The following CBLN2 variants were observed in gnomAD, a reference collection of about 807,000 sequenced individuals.
CBLN2 encodes the protein cerebellin-2.
A neutral mutation model predicts 15.0 loss-of-function variants in CBLN2; 7 were observed. The observed-to-expected ratio is 0.47, with a 90% CI of 0.27 to 0.88. The LOEUF (loss-of-function observed/expected upper bound fraction) is 0.88, where lower values mean the gene tolerates loss of function less well. CBLN2 is among the 40% of genes least tolerant of loss of function. CBLN2 has a pLI of 0.14. For synonymous variants in CBLN2, 149 were observed against 135.2 expected (o/e 1.10, Z -0.71); for missense variants, 242 against 304.5 (o/e 0.79, Z 1.53).
chr18:72,618,892 T>C, intron 1 of CBLN2: 4 of 728,334 alleles, frequency 5.5e-6, no homozygotes, highest in Non-Finnish European at 1.0e-5. Flanking sequence ...TGGAGGTGGC[T>C]TTGGTGGGAA....
At chr18:72,556,029 C>T (rs368241654) in intron 1 of CBLN2, among the ~76,000 whole-genome samples, 1 of 152,124 alleles carries the variant, frequency 6.6e-6, no homozygotes, top group Admixed American at 6.5e-5. Context: ...TTTGGGATGG[C>T]AGGTGCTCCA....
intron 1 of CBLN2, among the ~76,000 whole-genome samples, chr18:72,562,509 C>T (rs1040799513): frequency 2.0e-5 from 3 of 152,132 alleles, no homozygotes; most frequent in African/African-American, 4.8e-5. Flanking sequence ...TATCATTTGT[C>T]GTACTAAAGT....
chr18:72,539,104 A>G (rs1796177496), intron 3 of CBLN2: 1 of 238,060 alleles, frequency 4.2e-6, no homozygotes, highest in East Asian at 8.8e-5. Flanking sequence ...AGCTTGTTAA[A>G]CAAATCCTAA....
At chr18:72,601,510 C>A (rs1215835784) in intron 1 of CBLN2, among the ~76,000 whole-genome samples, 1 of 152,144 alleles carries the variant, frequency 6.6e-6, no homozygotes, top group Non-Finnish European at 1.5e-5. Flanking sequence ...AGAAGGTTTC[C>A]CACGTAAATA....
At chr18:72,613,393 C>G (rs2069636425) in intron 1 of CBLN2, among the ~76,000 whole-genome samples, 1 of 152,176 alleles carries the variant, frequency 6.6e-6, no homozygotes, top group Non-Finnish European at 1.5e-5. Context: ...CTTACTCTGT[C>G]TCAAGAGTGC....
intron 1 of CBLN2, among the ~76,000 whole-genome samples, chr18:72,575,006 T>G (rs1056763903): frequency 6.6e-6 from 1 of 151,478 alleles, no homozygotes; most frequent in Admixed American, 6.6e-5. Flanking sequence ...GAGTTGAGAG[T>G]GTTTGGGTGG....
rs140604239 is a variant in CBLN2, at chr18:72,543,513, G to A, written c.-194C>T. On this transcript the variant is annotated 5_prime_UTR_variant, in exon 2 of 5. Coordinates refer to ENST00000269503, the MANE Select transcript of CBLN2 (RefSeq NM_182511.4). This position sits in a 1 kb window ranked among gnomAD's most constrained non-coding sequence, Gnocchi z 6.8. ...GGAACATCCATGCTGGGCGAGCTCC[G>A]CTGTCCGCGAAGTTGCTCTGCTTAG... 0.016 allele frequency: 6,293 copies of A among 398,470 alleles called. 57 individuals are homozygous for A. Among genetic ancestry groups the A allele is most frequent in the Non-Finnish European group, 0.021 (4,687 of 226,028 alleles). 24.7% of individuals were successfully genotyped at this position (398,470 alleles called of 1,614,324 possible). A position where few individuals can be genotyped will look rare whatever the true frequency, so the allele number is the denominator to read the frequency against.
intron 1 of CBLN2, among the ~76,000 whole-genome samples, chr18:72,632,050 G>A (rs1400258920): frequency 6.6e-6 from 1 of 151,594 alleles, no homozygotes; most frequent in Non-Finnish European, 1.5e-5. Flanking sequence ...CTATTTTTTA[G>A]TTAATATTAT....
intron 1 of CBLN2, among the ~76,000 whole-genome samples, chr18:72,575,582 TG>T (rs1292658988): frequency 6.6e-6 from 1 of 151,950 alleles, no homozygotes; most frequent in Non-Finnish European, 1.5e-5. Flanking sequence ...AAAAGCCCTG[TG>T]GGAGAAAGAA....
chr18:72,615,233 T>G (rs940768282), intron 1 of CBLN2, among the ~76,000 whole-genome samples: 45 of 134,242 alleles, frequency 3.4e-4, no homozygotes, highest in African/African-American at 1.2e-3. Flanking sequence ...TACATATATA[T>G]TATATATATA....
rs72634451 is a variant in CBLN2 at position 72,586,085 on chromosome 18, C to T, written c.16-47313G>A. On this transcript the variant is annotated intron_variant, in intron 1 of 2. Transcript: ENST00000581073. ...GTGGCTGCAGCTGTGCCTGGGAGGG[C>T]GGGGCTCCCAACCCTCCAACTCAGA... 0.035 allele frequency among the ~76,000 whole-genome samples: 5,327 copies of T among 152,146 alleles called. 648 individuals are homozygous for T. In the East Asian group the frequency reaches 0.46, roughly 13 times the overall value.
chr18:72,630,772 T>C (rs1372412829), intron 1 of CBLN2, among the ~76,000 whole-genome samples: 1 of 152,182 alleles, frequency 6.6e-6, no homozygotes, highest in African/African-American at 2.4e-5. Flanking sequence ...AATTCTTTGC[T>C]GGTTTCCTTC....
intron 1 of CBLN2, among the ~76,000 whole-genome samples, chr18:72,594,212 C>T (rs969584929): frequency 6.6e-6 from 1 of 152,064 alleles, no homozygotes; most frequent in African/African-American, 2.4e-5. Context: ...AGCAAACCAC[C>T]ATAGCATGTG....
intron 1 of CBLN2, among the ~76,000 whole-genome samples, chr18:72,558,994 G>T (rs1252061391): frequency 6.6e-6 from 1 of 152,224 alleles, no homozygotes; most frequent in Non-Finnish European, 1.5e-5. Context: ...AGTCAAGGCT[G>T]CAGTAAGCTG....
At chr18:72,627,677 C>G (rs761252227) in intron 1 of CBLN2, among the ~76,000 whole-genome samples, 9 of 152,162 alleles carry the variant, frequency 5.9e-5, no homozygotes, top group Non-Finnish European at 1.0e-4. Flanking sequence ...TCAAAATATG[C>G]GCAAGCACGA....
chr18:72,572,277 A>C (rs2069337452), intron 1 of CBLN2, among the ~76,000 whole-genome samples: 1 of 152,050 alleles, frequency 6.6e-6, no homozygotes, highest in African/African-American at 2.4e-5. Flanking sequence ...TTTTTTTTAC[A>C]AAAGAGTTTT....
intron 1 of CBLN2, among the ~76,000 whole-genome samples, chr18:72,632,758 A>G (rs2069785413): frequency 6.6e-6 from 1 of 152,210 alleles, no homozygotes; most frequent in Admixed American, 6.5e-5. Context: ...ATTCAGTCAC[A>G]CTTGTGACCA....
chr18:72,537,192 A>T lies in CBLN2; in HGVS notation c.*984T>A, dbSNP rs1354210377. On this transcript the variant is annotated 3_prime_UTR_variant, in exon 5 of 5. Transcript: ENST00000269503. ...TCATTACAGCTTCCATTACCAACTTATATGATTCAGGACCACTCAGGAACA... is the reference window on the plus strand; with the variant it reads ...TCATTACAGCTTCCATTACCAACTTTTATGATTCAGGACCACTCAGGAACA... 6.6e-6 allele frequency: 1 copy of T among 152,152 alleles called. No homozygotes were observed. The highest frequency in any genetic ancestry group is 1.5e-5 in the Non-Finnish European group (1 of 68,026). 9.4% of individuals were successfully genotyped at this position (152,152 alleles called of 1,614,324 possible).
chr18:72,614,474 G>A (rs969406631), intron 1 of CBLN2, among the ~76,000 whole-genome samples: 18 of 151,864 alleles, frequency 1.2e-4, no homozygotes, highest in African/African-American at 3.1e-4. Context: ...AAATTTTTTG[G>A]TGTACATTAG....
Sources: allele counts gnomAD v4.1 joint callset (sites outside exome capture counted in the v4.1 genomes callset), GRCh38; gene constraint gnomAD v4.1.1; non-coding constraint Gnocchi (gnomAD v3.1); transcripts MANE v1.5; gene names NCBI Gene and HGNC (gene_info 2026-07-23, HGNC 2026-07-21).